PRMT8: variants seen among roughly 807,000 people sequenced by gnomAD.
PRMT8 encodes the protein protein arginine N-methyltransferase 8.
In PRMT8, 7 loss-of-function variants were observed where a neutral mutation model predicts 47.1. The ratio of observed to expected loss-of-function variants is 0.15; its 90% CI spans 0.08 to 0.28. The LOEUF (loss-of-function observed/expected upper bound fraction) is 0.28. Ranked by LOEUF, PRMT8 falls within the 10% of genes least tolerant of loss-of-function variation. The probability of loss-of-function intolerance (pLI) is 1.00; values close to 1 mark genes in which losing one functional copy is unlikely to be tolerated. For synonymous variants in PRMT8, 188 were observed against 186.5 expected, an observed-to-expected ratio of 1.01 and a Z score of -0.07; for missense variants, 237 against 505.4, an observed-to-expected ratio of 0.47 and a Z score of 5.09.
intron 8 of PRMT8, among the ~76,000 whole-genome samples, chr12:3,590,118 C>G (rs1240812208): frequency 6.6e-6 from 1 of 152,234 alleles, no homozygotes; most frequent in Non-Finnish European, 1.5e-5. Flanking sequence ...GGAACCCAGG[C>G]AGGGTCTGAA....
intron 1 of PRMT8, among the ~76,000 whole-genome samples, chr12:3,534,318 A>G (rs1189406865): frequency 6.6e-6 from 1 of 152,336 alleles, no homozygotes; most frequent in Middle Eastern, 3.4e-3. Flanking sequence ...AGCAGGAGCC[A>G]TTTATAGCCC....
chr12:3,404,929 T>C lies in PRMT8; in HGVS notation c.48+23487T>C, dbSNP rs547490503. 2.6e-5 allele frequency among the ~76,000 whole-genome samples: 4 copies of C among 152,342 alleles called. No homozygotes were observed. In the East Asian group the frequency reaches 5.8e-4, roughly 22 times the overall value. ...CCTGAGTAATGTTTTTGCCTGAAAG[T>C]CTATTTTTTCCCTCTATTAGGATAG... On this transcript the variant is annotated intron_variant, in intron 1 of 9. Transcript: ENST00000452611.
rs1386896428 is a variant in PRMT8 at position 3,409,843 on chromosome 12, T to G, written c.48+28401T>G. Reference sequence around the variant, plus strand: ...TGGGAATCCACAGTGCCTCATCAGCTTCAGCACCAGGGGGTGTGATTGTTC... The same window carrying G: ...TGGGAATCCACAGTGCCTCATCAGCGTCAGCACCAGGGGGTGTGATTGTTC... On this transcript the variant is annotated intron_variant, in intron 1 of 9. Coordinates refer to the PRMT8 transcript ENST00000452611. This position sits in a 1 kb window ranked among gnomAD's most constrained non-coding sequence, Gnocchi z 4.4. Among the ~76,000 whole-genome samples the G allele has an allele frequency of 6.6e-6, 1 of 152,148 alleles. No individual in the cohort carries two copies. The highest frequency in any genetic ancestry group is 1.5e-5 in the Non-Finnish European group (1 of 68,028).
intron 1 of PRMT8, among the ~76,000 whole-genome samples, chr12:3,402,869 C>T (rs1438823659): frequency 4.6e-5 from 7 of 152,000 alleles, no homozygotes; most frequent in African/African-American, 1.2e-4. Flanking sequence ...CACTGTTGGT[C>T]GAGTGTAAAT....
intron 1 of PRMT8, among the ~76,000 whole-genome samples, chr12:3,447,316 T>C (rs936407184): frequency 3.3e-5 from 5 of 152,330 alleles, no homozygotes; most frequent in Admixed American, 3.3e-4. Context: ...TCTTTCTTGA[T>C]TTTCAAACAA....
At chr12:3,509,440 C>T (rs1865677703) in intron 1 of PRMT8, among the ~76,000 whole-genome samples, 2 of 152,194 alleles carry the variant, frequency 1.3e-5, no homozygotes, top group South Asian at 2.1e-4. Context: ...GCTGTCTCAG[C>T]GCATATCGCC....
In PRMT8 at chr12:3,470,733, C is replaced by T. The variant is rs527929211; in HGVS notation, c.49-69873C>T. On this transcript the variant is annotated intron_variant, in intron 1 of 9. Transcript: ENST00000452611. ...GGCCTCAGGGATGGAGGGACAGAACCGGGGCCTGCTTTCAACTCCACACCA... is the reference window on the plus strand; with the variant it reads ...GGCCTCAGGGATGGAGGGACAGAACTGGGGCCTGCTTTCAACTCCACACCA... Among the ~76,000 whole-genome samples the T allele has an allele frequency of 3.1e-3, 467 of 152,218 alleles. 2 individuals are homozygous for T. The highest frequency in any genetic ancestry group is 4.9e-3 in the Non-Finnish European group (331 of 68,016).
chr12:3,545,996 T>C (rs904883489), intron 2 of PRMT8, among the ~76,000 whole-genome samples: 6 of 152,242 alleles, frequency 3.9e-5, no homozygotes, highest in African/African-American at 1.4e-4. Context: ...ATGCAGAGTA[T>C]GTTTTTTGAT....
chr12:3,397,159 T>A (rs998919260), intron 1 of PRMT8, among the ~76,000 whole-genome samples: 1 of 151,890 alleles, frequency 6.6e-6, no homozygotes, highest in East Asian at 2.0e-4. Context: ...TTGGTTTGAA[T>A]GTCCTCCCAT....
rs534185447 is a variant in PRMT8, at chr12:3,386,680, G to A, written c.48+5238G>A. Among the ~76,000 whole-genome samples the A allele has an allele frequency of 4.6e-5, 7 of 151,884 alleles. No individual in the cohort carries two copies. The South Asian group carries it at 1.5e-3, about 32-fold the overall frequency. ...TTACAAGCCACACAGTGTTCATCAA[G>A]GTGTTCATATGCTTGTCTACCTTCT... On this transcript the variant is annotated intron_variant, in intron 1 of 9. Transcript: ENST00000452611.
intron 1 of PRMT8, among the ~76,000 whole-genome samples, chr12:3,476,618 C>G (rs1865217971): frequency 6.6e-6 from 1 of 152,134 alleles, no homozygotes; most frequent in Admixed American, 6.5e-5. Context: ...GCAGAAAGGT[C>G]ATGAGACAAG....
chr12:3,491,745 AC>A (rs769571283), intron 1 of PRMT8, 45 bp downstream of exon 1: 5 of 1,540,132 alleles, frequency 3.2e-6, no homozygotes, highest in Non-Finnish European at 4.3e-6. Flanking sequence ...CCCGCCGCCC[AC>A]CCGGACCACC....
At chr12:3,489,839 G>GCGCA (rs1334676486), upstream of PRMT8, among the ~76,000 whole-genome samples, 1 of 144,752 alleles carries the variant, frequency 6.9e-6, no homozygotes, top group African/African-American at 2.5e-5. Context: ...ACACACGCGC[G>GCGCA]CACACACACA....
chr12:3,404,291 T>G (rs1338517477), intron 1 of PRMT8, among the ~76,000 whole-genome samples: 1 of 152,226 alleles, frequency 6.6e-6, no homozygotes, highest in East Asian at 1.9e-4. Flanking sequence ...TCCTTCAATG[T>G]GCTGTTTTCA....
chr12:3,532,944 C>G (rs1290484795), intron 1 of PRMT8, among the ~76,000 whole-genome samples: 1 of 152,084 alleles, frequency 6.6e-6, no homozygotes, highest in Non-Finnish European at 1.5e-5. Flanking sequence ...AGCCGAGGGT[C>G]CTGGGAGGCC....
At chr12:3,408,216 T>G (rs1864392356) in intron 1 of PRMT8, among the ~76,000 whole-genome samples, 1 of 150,214 alleles carries the variant, frequency 6.7e-6, no homozygotes, top group Admixed American at 6.6e-5. Flanking sequence ...CCCTTCCTCT[T>G]TCCTATCCTC....
intron 1 of PRMT8, among the ~76,000 whole-genome samples, chr12:3,532,611 CAAAAAAAAAAAAAAAA>C (rs35698030): frequency 1.2e-4 from 3 of 24,642 alleles, no homozygotes; most frequent in African/African-American, 1.7e-4. Flanking sequence ...GACTCCGTCT[CAAAAAAAAAAAAAAAA>C]AAAAAAAAAA....
Position 3,409,374 on chromosome 12 carries a change from C to T in PRMT8, c.48+27932C>T, listed in dbSNP as rs78826595. Among the ~76,000 whole-genome samples, 332 of 152,194 alleles carry T rather than the reference C, an allele frequency of 2.2e-3. No homozygotes were observed. The highest frequency in any genetic ancestry group is 7.6e-3 in the African/African-American group (316 of 41,520). On this transcript the variant is annotated intron_variant, in intron 1 of 9. Transcript: ENST00000452611. This position sits in a 1 kb window ranked among gnomAD's most constrained non-coding sequence, Gnocchi z 4.4. ...AATAGGTCACAGCAGCAACTCAGGCCCTGGGGAATAAGGCACCACGTAGTG... is the reference window on the plus strand; with the variant it reads ...AATAGGTCACAGCAGCAACTCAGGCTCTGGGGAATAAGGCACCACGTAGTG...
At chr12:3,478,322 ATCTG>A (rs899223811) in intron 1 of PRMT8, among the ~76,000 whole-genome samples, 17 of 151,860 alleles carry the variant, frequency 1.1e-4, no homozygotes, top group East Asian at 1.9e-4. Flanking sequence ...CTACCTATCT[ATCTG>A]TCTGTCTATC....
Sources: gnomAD v4.1 joint callset for allele counts (sites outside exome capture counted in the v4.1 genomes callset) on GRCh38, gnomAD v4.1.1 for gene constraint, Gnocchi (gnomAD v3.1) non-coding constraint, MANE v1.5 for transcripts, NCBI Gene and HGNC (gene_info 2026-07-23, HGNC 2026-07-21) for gene names.